The following MAPK10 variants were observed in gnomAD, a reference collection of about 807,000 sequenced individuals.
MAPK10 encodes the protein mitogen-activated protein kinase 10.
A neutral mutation model predicts 59.3 loss-of-function variants in MAPK10; 25 were observed. The observed-to-expected ratio is 0.42, with a 90% CI of 0.31 to 0.59. MAPK10 has a LOEUF of 0.59. MAPK10 is among the 20% of genes least tolerant of loss of function. The probability of loss-of-function intolerance (pLI) is 0.15; values close to 1 mark genes in which losing one functional copy is unlikely to be tolerated. For synonymous variants in MAPK10, 190 were observed against 200.5 expected, an observed-to-expected ratio of 0.95 and a Z score of 0.44; for missense variants, 351 against 568.9, an observed-to-expected ratio of 0.62 and a Z score of 3.90.
intron 2 of MAPK10, among the ~76,000 whole-genome samples, chr4:86,238,361 A>G (rs1020782694): frequency 1.4e-4 from 22 of 152,230 alleles, no homozygotes; most frequent in African/African-American, 5.3e-4. Context: ...AATTTAAAAT[A>G]GTTTTTTTCT....
At position 86,441,523 on chromosome 4, in the gene MAPK10, A is replaced by T. The variant is rs1033303781; in HGVS notation, c.-122+11507T>A. 2.6e-5 allele frequency among the ~76,000 whole-genome samples: 4 copies of T among 152,216 alleles called. No homozygotes were observed. The East Asian group carries it at 5.8e-4, about 22-fold the overall frequency. On this transcript the variant is annotated intron_variant, in intron 1 of 13. Transcript: ENST00000361569. ...TCACAATAGAAATTTCAGGCTTCAA[A>T]CTATGGCTTTAAAATAGTTCATATG...
At chr4:86,323,665 T>C (rs995828544) in intron 2 of MAPK10, among the ~76,000 whole-genome samples, 4 of 152,198 alleles carry the variant, frequency 2.6e-5, no homozygotes, top group Admixed American at 1.3e-4. Context: ...TCATAGTCTC[T>C]GAGGCTTTAG....
At chr4:86,075,312 T>G (rs1423252466) in intron 9 of MAPK10, among the ~76,000 whole-genome samples, 1 of 152,036 alleles carries the variant, frequency 6.6e-6, no homozygotes, top group Admixed American at 6.6e-5. Flanking sequence ...TTTTTCAAAG[T>G]TTTTAACTTC....
At chr4:86,318,694 T>C (rs1005562837) in intron 2 of MAPK10, among the ~76,000 whole-genome samples, 1 of 152,198 alleles carries the variant, frequency 6.6e-6, no homozygotes, top group Non-Finnish European at 1.5e-5. Context: ...ACTGTGCCTA[T>C]GGTAGCACTT....
chr4:86,185,236 C>G (rs1329774877), intron 3 of MAPK10, among the ~76,000 whole-genome samples: 1 of 152,046 alleles, frequency 6.6e-6, no homozygotes, highest in Admixed American at 6.6e-5. Flanking sequence ...AATTCCAGAC[C>G]AGCAACATAT....
intron 1 of MAPK10, among the ~76,000 whole-genome samples, chr4:86,409,405 A>G (rs533769008): frequency 6.6e-6 from 1 of 152,274 alleles, no homozygotes; most frequent in East Asian, 1.9e-4. Context: ...GTTCCATATG[A>G]ACTTTAAAGT....
chr4:86,318,929 T>A (rs6531916), intron 2 of MAPK10, among the ~76,000 whole-genome samples: 44,098 of 152,004 alleles, frequency 0.29, 6,428 homozygotes, highest in South Asian at 0.43. Flanking sequence ...ACAGCCTAGA[T>A]TATCTCTAAA....
chr4:86,106,477 T>C (rs1490945497), intron 5 of MAPK10, among the ~76,000 whole-genome samples: 1 of 149,392 alleles, frequency 6.7e-6, no homozygotes. Flanking sequence ...GTATTTATTA[T>C]AATTTATTTA....
intron 3 of MAPK10, chr4:86,192,328 G>C (rs2080126863): frequency 1.3e-5 from 2 of 152,044 alleles, no homozygotes. Context: ...CTCTTGCTAG[G>C]TTGGGGAAGT....
At chr4:86,301,624 C>T (rs967443617) in intron 2 of MAPK10, among the ~76,000 whole-genome samples, 2 of 152,146 alleles carry the variant, frequency 1.3e-5, no homozygotes, top group African/African-American at 2.4e-5. Flanking sequence ...TTGCCAGGGA[C>T]TCACTGAGTT....
chr4:86,557,002 T>A (rs1279394463), intron 1 of MAPK10, among the ~76,000 whole-genome samples: 1 of 152,064 alleles, frequency 6.6e-6, no homozygotes, highest in Non-Finnish European at 1.5e-5. Context: ...CCATTTTAAA[T>A]ACAATGCTCT....
At chr4:86,121,075 C>T (rs754294156) in intron 4 of MAPK10, among the ~76,000 whole-genome samples, 23 of 152,192 alleles carry the variant, frequency 1.5e-4, no homozygotes, top group Non-Finnish European at 8.8e-5. Flanking sequence ...GGACCATCAG[C>T]ATCTATTTCA....
At chr4:86,341,919 T>C (rs1198749284) in intron 2 of MAPK10, among the ~76,000 whole-genome samples, 1 of 152,022 alleles carries the variant, frequency 6.6e-6, no homozygotes, top group African/African-American at 2.4e-5. Context: ...CCATTATTAG[T>C]ACCATTTTAC....
intron 4 of MAPK10, among the ~76,000 whole-genome samples, chr4:86,128,271 T>C (rs2149132667): frequency 6.6e-6 from 1 of 152,258 alleles, no homozygotes; most frequent in South Asian, 2.1e-4. Flanking sequence ...CCATATGAAG[T>C]AAGTATTACT....
intron 4 of MAPK10, among the ~76,000 whole-genome samples, chr4:86,109,750 C>T (rs1052927443): frequency 1.3e-5 from 2 of 152,128 alleles, no homozygotes; most frequent in Admixed American, 6.5e-5. Flanking sequence ...GGTATATACC[C>T]GGTAATGGAA....
intron 1 of MAPK10, among the ~76,000 whole-genome samples, chr4:86,563,105 A>G (rs574142673): frequency 2.0e-5 from 3 of 152,326 alleles, no homozygotes; most frequent in African/African-American, 7.2e-5. Context: ...CACTTAGTAA[A>G]TATTTGTGCG....
chr4:86,438,941 T>A (rs1749095135), intron 1 of MAPK10, among the ~76,000 whole-genome samples: 1 of 152,122 alleles, frequency 6.6e-6, no homozygotes, highest in Non-Finnish European at 1.5e-5. Flanking sequence ...CACTAGCAAA[T>A]GCAGCAAAGG....
intron 13 of MAPK10, chr4:86,024,156 T>C (rs972309934): frequency 4.6e-5 from 7 of 151,862 alleles, no homozygotes; most frequent in African/African-American, 1.7e-4. Flanking sequence ...CAAATAAGGG[T>C]GAGATAAGTC....
chr4:86,139,656 T>A (rs1247832361), intron 4 of MAPK10, among the ~76,000 whole-genome samples: 3 of 152,116 alleles, frequency 2.0e-5, no homozygotes, highest in Admixed American at 6.5e-5. Flanking sequence ...TCAAAAGCAA[T>A]GGCAACAAAA....
Sources: allele counts gnomAD v4.1 joint callset (sites outside exome capture counted in the v4.1 genomes callset), GRCh38; gene constraint gnomAD v4.1.1; transcripts MANE v1.5; gene names NCBI Gene and HGNC (gene_info 2026-07-23, HGNC 2026-07-21).